Variants in CPQ observed in about 807,000 individuals in gnomAD.
CPQ encodes the protein carboxypeptidase Q, also known as Ser-Met dipeptidase.
A neutral mutation model predicts 45.7 loss-of-function variants in CPQ; 37 were observed. That is an observed-to-expected ratio of 0.81 (90% CI 0.62 to 1.07). CPQ has a LOEUF of 1.07. Among genes scored for constraint, CPQ ranks in the 50% least tolerant of loss-of-function variants. The pLI is 0.00. For missense variants in CPQ, 537 were observed against 572.9 expected, an observed-to-expected ratio of 0.94 and a Z score of 0.64; for synonymous variants, 186 against 205.8, an observed-to-expected ratio of 0.90 and a Z score of 0.82.
chr8:97,091,844 A>G (rs967798587), intron 7 of CPQ, among the ~76,000 whole-genome samples: 2 of 140,782 alleles, frequency 1.4e-5, no homozygotes, highest in African/African-American at 4.9e-5. Context: ...AGATACAAAG[A>G]TGGATGGATA....
intron 4 of CPQ, among the ~76,000 whole-genome samples, chr8:96,927,077 G>C (rs1812902318): frequency 6.6e-6 from 1 of 152,194 alleles, no homozygotes; most frequent in Non-Finnish European, 1.5e-5. Context: ...GAAGTTTTCT[G>C]TTTAACGTTG....
At position 96,858,445 on chromosome 8, in the gene CPQ, C is replaced by CCT. The variant is rs1811882095; in HGVS notation, c.642-21353_642-21352insCT. 2.0e-5 allele frequency among the ~76,000 whole-genome samples: 3 copies of CCT among 152,188 alleles called. No homozygotes were observed. In the South Asian group the frequency reaches 6.2e-4, roughly 31 times the overall value. On this transcript the variant is annotated intron_variant, in intron 3 of 7. Transcript: ENST00000220763. ...TTCTGGGTTCCTTGCACAGCAGCGT[C>CCT]TGATATCCTGCATGTTAGTTCTTTG...
intron 1 of CPQ, among the ~76,000 whole-genome samples, chr8:96,784,400 G>A (rs752905832): frequency 1.8e-5 from 2 of 108,148 alleles, no homozygotes; most frequent in Admixed American, 9.4e-5. Flanking sequence ...GTTCTGAGGT[G>A]GGGGGGGGGT....
chr8:97,078,848 A>G (rs910401945), intron 7 of CPQ, among the ~76,000 whole-genome samples: 2 of 145,620 alleles, frequency 1.4e-5, no homozygotes, highest in African/African-American at 5.1e-5. Context: ...CCCAGGCTGG[A>G]GTGCAAAAGT....
intron 4 of CPQ, among the ~76,000 whole-genome samples, chr8:96,895,664 C>T (rs1812433650): frequency 6.6e-6 from 1 of 152,140 alleles, no homozygotes; most frequent in South Asian, 2.1e-4. Context: ...TGGTTTCTCT[C>T]CCTTCCAAGA....
At chr8:97,119,326 C>A in intron 7 of CPQ, among the ~76,000 whole-genome samples, 1 of 88,882 alleles carries the variant, frequency 1.1e-5, no homozygotes. Flanking sequence ...GAGACTCCAT[C>A]TCAAAAAAAA....
At position 97,091,037 on chromosome 8, in the gene CPQ, G is replaced by A. The variant is rs190288811; in HGVS notation, c.1255+24827G>A. Reference sequence around the variant, plus strand: ...GAGAACTCATGTCATGGGGACCCACGATGCATCTCAATAAAAGGGTGTTAG... The same window carrying A: ...GAGAACTCATGTCATGGGGACCCACAATGCATCTCAATAAAAGGGTGTTAG... On this transcript the variant is annotated intron_variant, in intron 7 of 7. Transcript: ENST00000220763. Among the ~76,000 whole-genome samples, 275 of 152,214 alleles carry A rather than the reference G, an allele frequency of 1.8e-3. 3 individuals carry two copies. Among genetic ancestry groups the A allele is most frequent in the Admixed American group, 0.013 (196 of 15,278 alleles).
chr8:97,018,982 A>G (rs190535341), intron 5 of CPQ, among the ~76,000 whole-genome samples: 2 of 152,318 alleles, frequency 1.3e-5, no homozygotes, highest in East Asian at 3.9e-4. Context: ...CTGTGAGGCA[A>G]AAACACCAGG....
At chr8:96,858,183 G>A (rs768575283) in intron 3 of CPQ, among the ~76,000 whole-genome samples, 1 of 152,226 alleles carries the variant, frequency 6.6e-6, no homozygotes, top group Middle Eastern at 3.4e-3. Context: ...TATGAAGTCT[G>A]GTAGGTACAC....
chr8:96,827,898 A>T (rs1159762107), intron 2 of CPQ, among the ~76,000 whole-genome samples: 1 of 151,946 alleles, frequency 6.6e-6, no homozygotes, highest in Non-Finnish European at 1.5e-5. Flanking sequence ...TGTTTTTTCA[A>T]AAAAAAGTTA....
intron 4 of CPQ, among the ~76,000 whole-genome samples, chr8:96,897,976 T>C (rs1361509372): frequency 1.3e-5 from 2 of 152,156 alleles, no homozygotes; most frequent in Non-Finnish European, 2.9e-5. Context: ...AATTGTGTTT[T>C]TTAAAAATAG....
chr8:96,792,542 TTTTA>T (rs928631608), intron 2 of CPQ, among the ~76,000 whole-genome samples: 3 of 152,200 alleles, frequency 2.0e-5, no homozygotes, highest in African/African-American at 7.2e-5. Flanking sequence ...TTGGTGTATG[TTTTA>T]TTATGTTTGT....
At chr8:97,141,352 G>GA (rs1812158567) in intron 7 of CPQ, among the ~76,000 whole-genome samples, 1 of 151,954 alleles carries the variant, frequency 6.6e-6, no homozygotes, top group South Asian at 2.1e-4. Context: ...CAAATCCATT[G>GA]AAAAATGGGC....
intron 2 of CPQ, among the ~76,000 whole-genome samples, chr8:96,829,667 C>A (rs917823755): frequency 7.9e-5 from 12 of 152,056 alleles, no homozygotes; most frequent in African/African-American, 1.2e-4. Flanking sequence ...TCTTCTAAAG[C>A]CTTCTTAAAG....
intron 4 of CPQ, among the ~76,000 whole-genome samples, chr8:96,909,804 T>C (rs887309813): frequency 6.6e-6 from 1 of 152,208 alleles, no homozygotes; most frequent in African/African-American, 2.4e-5. Flanking sequence ...ATATAAAAGC[T>C]GAAGACATGT....
In CPQ at chr8:96,785,348, A is replaced by G; in HGVS notation, c.433+18A>G. The G allele has an allele frequency of 6.4e-7, 1 of 1,556,716 alleles. No individual in the cohort carries two copies. The highest frequency in any genetic ancestry group is 8.7e-7 in the Non-Finnish European group (1 of 1,150,214). ...TCCAGAAGGTATTGTTTGTCTTTTCAGTTTGATTTGTATTTTATAAAACTA... is the reference window on the plus strand; with the variant it reads ...TCCAGAAGGTATTGTTTGTCTTTTCGGTTTGATTTGTATTTTATAAAACTA... On this transcript the variant is annotated intron_variant, in intron 2 of 7. Transcript: ENST00000220763.
chr8:97,064,642 C>T (rs895138480), intron 6 of CPQ, among the ~76,000 whole-genome samples: 1 of 152,142 alleles, frequency 6.6e-6, no homozygotes, highest in African/African-American at 2.4e-5. Flanking sequence ...ATGCCGGCAA[C>T]ATCTTTCTTT....
intron 4 of CPQ, among the ~76,000 whole-genome samples, chr8:96,946,187 GAT>G (rs1813186012): frequency 6.8e-6 from 1 of 146,900 alleles, no homozygotes; most frequent in Non-Finnish European, 1.5e-5. Flanking sequence ...ATAGTAGAAA[GAT>G]AGATTTTTTT....
chr8:97,029,615 T>C, intron 6 of CPQ, 121 bp downstream of exon 6: 2 of 821,976 alleles, frequency 2.4e-6, no homozygotes, highest in Non-Finnish European at 4.0e-6. Context: ...AACACCCTTG[T>C]ATGAGCCTTC....
Sources: gnomAD v4.1 joint callset for allele counts (sites outside exome capture counted in the v4.1 genomes callset) on GRCh38, gnomAD v4.1.1 for gene constraint, MANE v1.5 for transcripts, NCBI Gene and HGNC (gene_info 2026-07-23, HGNC 2026-07-21) for gene names.